Variants in OARD1 observed in about 807,000 individuals in gnomAD.
OARD1 encodes the protein O-acyl-ADP-ribose deacylase 1, also known as ADP-ribose glycohydrolase OARD1.
Under a neutral mutation model 19.7 loss-of-function variants are expected in OARD1, and 19 were observed. That is an observed-to-expected ratio of 0.96 (90% CI 0.67 to 1.41). The LOEUF (loss-of-function observed/expected upper bound fraction) is 1.41, where lower values mean the gene tolerates loss of function less well. Among genes scored for constraint, OARD1 ranks in the 40% most tolerant of loss-of-function variants. OARD1 has a pLI of 0.00. For missense variants in OARD1, 190 were observed against 183.8 expected (o/e 1.03, Z -0.20); for synonymous variants, 70 against 61.8 (o/e 1.13, Z -0.62).
At chr6:41,086,156 T>G (rs1764037891) in intron 1 of OARD1, among the ~76,000 whole-genome samples, 1 of 152,176 alleles carries the variant, frequency 6.6e-6, no homozygotes, top group African/African-American at 2.4e-5. Context: ...CACTGTTGAG[T>G]AGAGACAATG....
In OARD1 at chr6:41,064,827, A is replaced by T. The variant is rs144010508; in HGVS notation, c.*2508T>A. On this transcript the variant is annotated 3_prime_UTR_variant, in exon 6 of 6. Coordinates refer to ENST00000424266, the MANE Select transcript of OARD1 (RefSeq NM_001329686.2). ...TAGAGAGGAGCGGGTGAAAAGTAGT[A>T]GTTTAATGTTCAGATATACAATCAT... is the stretch of plus-strand genomic sequence containing the variant. 68 of 152,294 alleles carry T rather than the reference A, an allele frequency of 4.5e-4. No homozygotes were observed. The East Asian group carries it at 0.012, about 26-fold the overall frequency. 9.4% of individuals were successfully genotyped at this position (152,294 alleles called of 1,614,324 possible). A position where few individuals can be genotyped will look rare whatever the true frequency, so the allele number is the denominator to read the frequency against.
intron 1 of OARD1, among the ~76,000 whole-genome samples, chr6:41,095,184 T>G (rs979570010): frequency 2.1e-4 from 32 of 152,296 alleles, no homozygotes; most frequent in African/African-American, 7.2e-4. Flanking sequence ...CCTTTCCCAT[T>G]TGCACTTAGA....
intron 1 of OARD1, chr6:41,093,096 C>T: frequency 6.2e-7 from 1 of 1,611,888 alleles, no homozygotes; most frequent in South Asian, 1.1e-5. Context: ...GTATGTATAA[C>T]ATTGGGAAGG....
In OARD1 at chr6:41,066,976, T is replaced by G. The variant is rs1385508415; in HGVS notation, c.*359A>C. On this transcript the variant is annotated 3_prime_UTR_variant, in exon 6 of 6. Coordinates refer to ENST00000424266, the MANE Select transcript of OARD1 (RefSeq NM_001329686.2). Reference sequence around the variant, plus strand: ...AACTAACTGGAATGATCATCCTTCCTGAAATTTCTCTTAAAAAGCAGAGAA... The same window carrying G: ...AACTAACTGGAATGATCATCCTTCCGGAAATTTCTCTTAAAAAGCAGAGAA... 1 of 157,590 alleles carries G rather than the reference T, an allele frequency of 6.3e-6. No homozygotes were observed. The highest frequency in any genetic ancestry group is 6.4e-5 in the Admixed American group (1 of 15,616). The allele number at this position is 157,590 out of a possible 1,614,324, so 9.8% of individuals were successfully genotyped here. A position where few individuals can be genotyped will look rare whatever the true frequency, so the allele number is the denominator to read the frequency against.
At chr6:41,080,120 A>G (rs935643200) in intron 1 of OARD1, among the ~76,000 whole-genome samples, 3 of 152,196 alleles carry the variant, frequency 2.0e-5, no homozygotes, top group Non-Finnish European at 4.4e-5. Context: ...CATTGAAAAC[A>G]TGGCTCTTAA....
intron 1 of OARD1, chr6:41,091,553 C>A: frequency 6.2e-7 from 1 of 1,614,062 alleles, no homozygotes; most frequent in South Asian, 1.1e-5. Context: ...CAGGCATGAT[C>A]ACTATCCCAG....
intron 1 of OARD1, among the ~76,000 whole-genome samples, chr6:41,086,885 AT>A (rs1764061646): frequency 2.0e-5 from 3 of 152,204 alleles, no homozygotes; most frequent in Admixed American, 2.0e-4. Flanking sequence ...AAAGATCTAA[AT>A]GTAGAAAAGT....
At chr6:41,072,966 G>C (rs546932257), upstream of OARD1, 1 of 154,974 alleles carries the variant, frequency 6.5e-6, no homozygotes, top group Admixed American at 6.5e-5. Context: ...GTTCGGGTTC[G>C]CCATTTTGCT....
At position 41,067,276 on chromosome 6, in the gene OARD1, C is replaced by T; in HGVS notation, c.*59G>A. On this transcript the variant is annotated 3_prime_UTR_variant, in exon 6 of 6. Transcript: ENST00000424266. ...CTATTTTAAGGTAGGTTTGCCCGGT[C>T]CTATGGCCCAGTAGAGATGACACAG... 1 of 1,110,380 alleles carries T rather than the reference C, an allele frequency of 9.0e-7. No individual in the cohort carries two copies. The highest frequency in any genetic ancestry group is 1.4e-6 in the Non-Finnish European group (1 of 740,286). 68.8% of individuals were successfully genotyped at this position (1,110,380 alleles called of 1,614,324 possible).
chr6:41,089,783 A>G lies in OARD1; in HGVS notation c.-42+7930T>C, dbSNP rs1178182617. 3.9e-6 allele frequency: 6 copies of G among 1,531,104 alleles called. No homozygotes were observed. In the East Asian group the frequency reaches 9.1e-5, roughly 23 times the overall value. The allele number at this position is 1,531,104 out of a possible 1,614,324, so 94.8% of individuals were successfully genotyped here. A position where few individuals can be genotyped will look rare whatever the true frequency, so the allele number is the denominator to read the frequency against. ...GTCAGATAACTGAGTCAGATATTTC[A>G]TGTATAGCATGTATAGTAGAAAAGG... On this transcript the variant is annotated intron_variant, in intron 1 of 4. Coordinates refer to the OARD1 transcript ENST00000480585.
At chr6:41,073,682 G>A (rs756041602), upstream of OARD1, among the ~76,000 whole-genome samples, 13 of 151,986 alleles carry the variant, frequency 8.6e-5, no homozygotes, top group Non-Finnish European at 1.6e-4. Flanking sequence ...GGCTGGCAAC[G>A]GGGCTGGCCC....
intron 1 of OARD1, chr6:41,091,641 A>T: frequency 1.9e-6 from 3 of 1,614,216 alleles, no homozygotes; most frequent in Non-Finnish European, 2.5e-6. Context: ...AGGGACTGTC[A>T]CTGTGACACT....
chr6:41,091,061 T>G (rs943539057), intron 1 of OARD1, among the ~76,000 whole-genome samples: 3 of 152,210 alleles, frequency 2.0e-5, no homozygotes, highest in African/African-American at 7.2e-5. Context: ...GGTGAACAAA[T>G]CCTCAAGTGC....
Position 41,067,310 on chromosome 6 carries a change from G to A in OARD1, c.*25C>T, listed in dbSNP as rs1258495779. The stretch of plus-strand genomic sequence containing the variant: ...CAGTAGAGATGACACAGGAGAACAC[G>A]GAAACATCCAAAATGTTCACTGGTT... On this transcript the variant is annotated 3_prime_UTR_variant, in exon 6 of 6. Transcript: ENST00000424266. The A allele has an allele frequency of 9.4e-6, 14 of 1,497,278 alleles. No homozygotes were observed. The highest frequency in any genetic ancestry group is 4.5e-5 in the South Asian group (4 of 88,202). The allele number at this position is 1,497,278 out of a possible 1,614,324, so 92.7% of individuals were successfully genotyped here.
At chr6:41,081,988 G>A (rs949329845) in intron 1 of OARD1, among the ~76,000 whole-genome samples, 1 of 152,190 alleles carries the variant, frequency 6.6e-6, no homozygotes, top group Non-Finnish European at 1.5e-5. Flanking sequence ...GTGTATGTAG[G>A]TTACTTTTAT....
chr6:41,094,635 CT>C, intron 1 of OARD1: 2 of 613,558 alleles, frequency 3.3e-6, no homozygotes, highest in Non-Finnish European at 5.7e-6. Flanking sequence ...TCTTATGTCT[CT>C]TTAGATTATC....
At chr6:41,071,911 G>A (rs913279173) in intron 1 of OARD1, 3 of 459,468 alleles carry the variant, frequency 6.5e-6, no homozygotes, top group African/African-American at 1.9e-5. Context: ...GCCCCGCTCC[G>A]TCAGCGGAAG....
At chr6:41,089,850 T>C (rs1293049530) in intron 1 of OARD1, 2 of 1,208,072 alleles carry the variant, frequency 1.7e-6, no homozygotes, top group Non-Finnish European at 2.3e-6. Flanking sequence ...CCGGGCGCGG[T>C]GGCTCATGCC....
chr6:41,080,707 C>T, intron 1 of OARD1: 1 of 907,424 alleles, frequency 1.1e-6, no homozygotes, highest in East Asian at 2.5e-5. Flanking sequence ...TTTGAAAGTC[C>T]TTCAGGCTTC....
Sources: gnomAD v4.1 joint callset for allele counts (sites outside exome capture counted in the v4.1 genomes callset) on GRCh38, gnomAD v4.1.1 for gene constraint, MANE v1.5 for transcripts, NCBI Gene and HGNC (gene_info 2026-07-23, HGNC 2026-07-21) for gene names.